Variants in DPP10 observed in about 807,000 individuals in gnomAD.
DPP10 encodes dipeptidyl peptidase like 10.
Under a neutral mutation model 120.9 loss-of-function variants are expected in DPP10, and 33 were observed. The observed-to-expected ratio is 0.27, with a 90% CI of 0.21 to 0.37. The LOEUF (loss-of-function observed/expected upper bound fraction) is 0.37. DPP10 is among the 10% of genes least tolerant of loss of function. The pLI, the probability that DPP10 is intolerant of heterozygous loss-of-function variation, is 1.00. For synonymous variants in DPP10, 337 were observed against 326.1 expected (o/e 1.03, Z -0.36); for missense variants, 816 against 942.8 (o/e 0.87, Z 1.76).
chr2:115,030,522 G>A (rs1703765122), intron 1 of DPP10, among the ~76,000 whole-genome samples: 1 of 152,094 alleles, frequency 6.6e-6, no homozygotes, highest in Non-Finnish European at 1.5e-5. Context: ...TGTACAGAAT[G>A]TGTACGTTTG....
intron 3 of DPP10, among the ~76,000 whole-genome samples, chr2:115,450,023 T>A (rs917189785): frequency 2.0e-5 from 3 of 152,024 alleles, no homozygotes; most frequent in African/African-American, 7.2e-5. Context: ...TTGAGGCCTC[T>A]TGAATCCCAA....
At chr2:115,029,285 G>T (rs1703680340) in intron 1 of DPP10, among the ~76,000 whole-genome samples, 1 of 151,698 alleles carries the variant, frequency 6.6e-6, no homozygotes, top group Non-Finnish European at 1.5e-5. Flanking sequence ...TCTCTTAATG[G>T]TTGCTGTAAT....
intron 1 of DPP10, among the ~76,000 whole-genome samples, chr2:115,097,694 GGATA>G (rs1276669437): frequency 6.6e-6 from 1 of 152,126 alleles, no homozygotes; most frequent in Admixed American, 6.5e-5. Flanking sequence ...ACTCTTCCTA[GGATA>G]GAATATAGAG....
At chr2:115,179,962 G>A (rs1399953515) in intron 1 of DPP10, among the ~76,000 whole-genome samples, 2 of 152,096 alleles carry the variant, frequency 1.3e-5, no homozygotes, top group African/African-American at 2.4e-5. Flanking sequence ...AGATTATAGA[G>A]CTTTTTAAAA....
intron 1 of DPP10, among the ~76,000 whole-genome samples, chr2:114,729,543 T>C (rs1435589140): frequency 3.3e-5 from 5 of 152,212 alleles, no homozygotes; most frequent in African/African-American, 9.7e-5. Context: ...AGCCCAAAGT[T>C]TGGTCCCCAC....
intron 1 of DPP10, among the ~76,000 whole-genome samples, chr2:115,009,608 A>G (rs1277254112): frequency 6.6e-6 from 1 of 151,778 alleles, no homozygotes; most frequent in African/African-American, 2.4e-5. Flanking sequence ...AAGAAAAGAC[A>G]AATATTTAAA....
chr2:115,258,583 C>G (rs1267782408), intron 1 of DPP10, among the ~76,000 whole-genome samples: 1 of 152,042 alleles, frequency 6.6e-6, no homozygotes, highest in Non-Finnish European at 1.5e-5. Context: ...AATAAACATG[C>G]ATTCAACATG....
At chr2:115,560,250 A>G (rs953052092) in intron 5 of DPP10, among the ~76,000 whole-genome samples, 1 of 148,624 alleles carries the variant, frequency 6.7e-6, no homozygotes, top group Non-Finnish European at 1.5e-5. Flanking sequence ...TGGTGCCTGT[A>G]GTCCCAGCTA....
At chr2:114,615,727 A>G (rs149704708) in intron 1 of DPP10, among the ~76,000 whole-genome samples, 12 of 152,280 alleles carry the variant, frequency 7.9e-5, no homozygotes, top group African/African-American at 2.9e-4. Flanking sequence ...AACAAAGATA[A>G]TTGTACTTGT....
chr2:114,594,879 G>A (rs1217101136), intron 1 of DPP10, among the ~76,000 whole-genome samples: 1 of 151,840 alleles, frequency 6.6e-6, no homozygotes, highest in African/African-American at 2.4e-5. Flanking sequence ...TCTCTGTGGT[G>A]CTTCTCGGTC....
chr2:115,307,567 C>G (rs796416515), intron 1 of DPP10, among the ~76,000 whole-genome samples: 5 of 152,082 alleles, frequency 3.3e-5, no homozygotes, highest in African/African-American at 1.2e-4. Context: ...TTTTCACTGT[C>G]TCAGTTCTTG....
intron 3 of DPP10, among the ~76,000 whole-genome samples, chr2:115,384,930 C>A (rs1021293541): frequency 6.6e-6 from 1 of 152,128 alleles, no homozygotes; most frequent in Non-Finnish European, 1.5e-5. Flanking sequence ...GGTGGTTTCC[C>A]CCATACTATT....
At chr2:115,831,876 A>T (rs572253633) in intron 21 of DPP10, among the ~76,000 whole-genome samples, 1 of 152,356 alleles carries the variant, frequency 6.6e-6, no homozygotes, top group African/African-American at 2.4e-5. Context: ...TTTAATGAAT[A>T]GCAAAATCCG....
chr2:115,218,306 A>T (rs1288614533), intron 1 of DPP10, among the ~76,000 whole-genome samples: 1 of 152,146 alleles, frequency 6.6e-6, no homozygotes, highest in East Asian at 1.9e-4. Flanking sequence ...CAACGATTTG[A>T]TTCTTCTTGA....
At chr2:114,822,339 C>T (rs562840174) in intron 1 of DPP10, among the ~76,000 whole-genome samples, 210 of 152,236 alleles carry the variant, frequency 1.4e-3, no homozygotes, top group Non-Finnish European at 2.2e-3. Flanking sequence ...ATGGAGCGAC[C>T]GAGACACAGG....
intron 1 of DPP10, among the ~76,000 whole-genome samples, chr2:114,543,874 T>TTGC (rs140794008): frequency 1.4e-4 from 2 of 13,944 alleles, no homozygotes; most frequent in African/African-American, 3.7e-4. Flanking sequence ...CTTGTTTTTT[T>TTGC]TGTTGTTGGT....
At chr2:115,516,534 T>A (rs555927629) in intron 4 of DPP10, among the ~76,000 whole-genome samples, 1 of 151,016 alleles carries the variant, frequency 6.6e-6, no homozygotes. Flanking sequence ...TCAAGAAATA[T>A]TGATATTCTA....
intron 1 of DPP10, among the ~76,000 whole-genome samples, chr2:114,661,432 C>T (rs1300278320): frequency 6.6e-6 from 1 of 152,174 alleles, no homozygotes; most frequent in Admixed American, 6.5e-5. Context: ...ACGAGAGCAT[C>T]AGTGGGAAAG....
intron 1 of DPP10, among the ~76,000 whole-genome samples, chr2:115,232,127 C>CTTA: frequency 6.6e-6 from 1 of 152,260 alleles, no homozygotes; most frequent in South Asian, 2.1e-4. Flanking sequence ...TAATGGCATG[C>CTTA]ACTGAACTGA....
Sources: allele counts gnomAD v4.1 joint callset (sites outside exome capture counted in the v4.1 genomes callset), GRCh38; gene constraint gnomAD v4.1.1; transcripts MANE v1.5; gene names NCBI Gene and HGNC (gene_info 2026-07-23, HGNC 2026-07-21).